The following EXPH5 variants were observed in gnomAD, a reference collection of about 807,000 sequenced individuals.
The protein encoded by EXPH5 is exophilin 5, also known as exophilin-5.
In EXPH5, 42 loss-of-function variants were observed where a neutral mutation model predicts 41.1. That is an observed-to-expected ratio of 1.02 (90% CI 0.80 to 1.32). The LOEUF (loss-of-function observed/expected upper bound fraction) is 1.32. Among genes scored for constraint, EXPH5 ranks in the 40% most tolerant of loss-of-function variants. EXPH5 has a pLI of 0.00. For missense variants in EXPH5, 2,298 were observed against 2,314.5 expected (o/e 0.99, Z 0.15); for synonymous variants, 798 against 833.5 (o/e 0.96, Z 0.73).
At chr11:108,529,969 A>G (rs1332225821) in intron 3 of EXPH5, among the ~76,000 whole-genome samples, 1 of 152,208 alleles carries the variant, frequency 6.6e-6, no homozygotes, top group East Asian at 1.9e-4. Flanking sequence ...TCTCTAGATC[A>G]GATCAATTAA....
intron 1 of EXPH5, among the ~76,000 whole-genome samples, chr11:108,557,912 C>T (rs1035013140): frequency 3.2e-4 from 48 of 152,084 alleles, no homozygotes; most frequent in African/African-American, 1.1e-3. Context: ...GGGGGTTGAA[C>T]TAGAGGCTAT....
chr11:108,581,730 C>T (rs2094098885), intron 1 of EXPH5, among the ~76,000 whole-genome samples: 1 of 151,840 alleles, frequency 6.6e-6, no homozygotes, highest in Non-Finnish European at 1.5e-5. Context: ...TTGAAAACAT[C>T]AATAAATTTG....
At chr11:108,572,046 T>A (rs2094062139) in intron 1 of EXPH5, among the ~76,000 whole-genome samples, 1 of 99,888 alleles carries the variant, frequency 1.0e-5, no homozygotes, top group African/African-American at 3.1e-5. Context: ...CGAGACTCTG[T>A]CTCCAAAAAA....
At chr11:108,557,591 G>A (rs1212625991) in intron 1 of EXPH5, among the ~76,000 whole-genome samples, 2 of 151,654 alleles carry the variant, frequency 1.3e-5, no homozygotes, top group South Asian at 2.1e-4. Context: ...CAAGTGATTC[G>A]TTCTCCTCAG....
Position 108,511,404 on chromosome 11 carries a change from G to GA in EXPH5, c.4102dup (p.Ser1368PhefsTer3), listed in dbSNP as rs1273776771. Reference sequence around the variant, plus strand: ...TAGAGGTGTTTTAGCTAAATTATCTGAAAAAATCTCTCTAGCTTTAGATTC... The same window carrying GA: ...TAGAGGTGTTTTAGCTAAATTATCTGAAAAAAATCTCTCTAGCTTTAGATTC... On this transcript the variant is annotated frameshift_variant, in exon 6 of 6. Transcript: ENST00000265843. LOFTEE classifies it low-confidence loss of function (END_TRUNC). 1.4e-5 allele frequency: 22 copies of GA among 1,588,266 alleles called. No homozygotes were observed. The highest frequency in any genetic ancestry group is 2.2e-5 in the East Asian group (1 of 44,730).
intron 1 of EXPH5, among the ~76,000 whole-genome samples, chr11:108,569,995 A>G (rs755630900): frequency 1.2e-4 from 18 of 152,182 alleles, no homozygotes; most frequent in African/African-American, 3.4e-4. Context: ...GCTACTCCCA[A>G]TGCTTAATGT....
At chr11:108,532,360 ATATATATTTTTTT>A (rs1384799768) in intron 3 of EXPH5, among the ~76,000 whole-genome samples, 1 of 20,870 alleles carries the variant, frequency 4.8e-5, no homozygotes, top group Non-Finnish European at 7.8e-5. Flanking sequence ...ATATATATAT[ATATATATTTTTTT>A]TTTTTTTTTT....
At position 108,511,798 on chromosome 11, in the gene EXPH5, CA is replaced by C; in HGVS notation, c.3708del (p.Val1237PhefsTer8). ...LHKVKTTSTF[S>X]VSGDEDNVKC... ...TTTACATTATCTTCATCACCAGAAA[CA>C]GAAAACGTACTAGTCGTCTTAACTT... On this transcript the variant is annotated frameshift_variant, in exon 6 of 6. Coordinates refer to ENST00000265843, the MANE Select transcript of EXPH5 (RefSeq NM_015065.3). LOFTEE classifies it low-confidence loss of function (END_TRUNC). The C allele has an allele frequency of 1.2e-6, 2 of 1,609,618 alleles. No homozygotes were observed. The highest frequency in any genetic ancestry group is 1.7e-6 in the Non-Finnish European group (2 of 1,178,970).
At chr11:108,585,952 A>G (rs760817682) in intron 1 of EXPH5, among the ~76,000 whole-genome samples, 9 of 152,162 alleles carry the variant, frequency 5.9e-5, no homozygotes, top group Non-Finnish European at 1.2e-4. Flanking sequence ...TCATTTATTT[A>G]TTTTGAGATG....
chr11:108,522,212 G>T (rs2093769606), intron 4 of EXPH5, among the ~76,000 whole-genome samples: 1 of 151,298 alleles, frequency 6.6e-6, no homozygotes. Flanking sequence ...TTTAAAAAAG[G>T]AACTGTTAGT....
Position 108,518,310 on chromosome 11 carries a change from G to A in EXPH5, c.556C>T (p.Pro186Ser). The A allele has an allele frequency of 6.2e-7, 1 of 1,613,854 alleles. No individual in the cohort carries two copies. The highest frequency in any genetic ancestry group is 8.5e-7 in the Non-Finnish European group (1 of 1,179,824). The stretch of plus-strand genomic sequence containing the variant: ...CCACTCTCCTCCCTCATGACTGCTG[G>A]CTTTGGGACAAATGTACTGTCAACT... ...HLVDSTFVPKPAVMREESGMP... is the reference protein window; with the variant it reads ...HLVDSTFVPKSAVMREESGMP... Residue 186 changes from proline to serine, a missense_variant, in exon 5 of 6, where the codon CCA (proline) becomes TCA (serine). Physicochemically the swap from Pro to Ser is moderately conservative, Grantham distance 74. Transcript: ENST00000265843.
At chr11:108,572,128 G>T (rs1252243731) in intron 1 of EXPH5, among the ~76,000 whole-genome samples, 3 of 152,062 alleles carry the variant, frequency 2.0e-5, no homozygotes, top group African/African-American at 7.2e-5. Flanking sequence ...AAAGAAGCCA[G>T]TTCACAAGGC....
intron 1 of EXPH5, among the ~76,000 whole-genome samples, chr11:108,573,462 T>A (rs775081494): frequency 6.6e-5 from 10 of 152,238 alleles, no homozygotes; most frequent in Non-Finnish European, 8.8e-5. Context: ...TGTATAGGTA[T>A]AACAACAATC....
chr11:108,533,002 G>A (rs1731158101), intron 3 of EXPH5, among the ~76,000 whole-genome samples: 1 of 152,174 alleles, frequency 6.6e-6, no homozygotes, highest in Non-Finnish European at 1.5e-5. Context: ...TTGTCCCGCA[G>A]TGCTGCACAT....
chr11:108,516,051 G>C (rs1425090743), intron 5 of EXPH5, among the ~76,000 whole-genome samples: 2 of 118,304 alleles, frequency 1.7e-5, no homozygotes, highest in Admixed American at 1.2e-4. Flanking sequence ...CAGCCTGGGC[G>C]AAAGAGCGAG....
chr11:108,545,149 C>T (rs2093931897), intron 1 of EXPH5, among the ~76,000 whole-genome samples: 1 of 152,124 alleles, frequency 6.6e-6, no homozygotes, highest in Admixed American at 6.6e-5. Flanking sequence ...CATGGTGGCT[C>T]ACACCAGTAA....
At chr11:108,602,549 CT>C in the EXPH5 span, among the ~76,000 whole-genome samples, 490 of 141,206 alleles carry the variant, frequency 3.5e-3, 2 homozygotes, top group African/African-American at 7.3e-3. Flanking sequence ...CTAAAACTGC[CT>C]TTTTTTTTTT....
intron 1 of EXPH5, among the ~76,000 whole-genome samples, chr11:108,576,605 A>G (rs887838942): frequency 6.6e-6 from 1 of 152,178 alleles, no homozygotes; most frequent in South Asian, 2.1e-4. Flanking sequence ...TCTAATTTTT[A>G]TGGATATATA....
rs115886533 is a variant in EXPH5 at position 108,514,791 on chromosome 11, C to G, written c.716G>C (p.Arg239Thr). 2.6e-4 allele frequency: 422 copies of G among 1,606,114 alleles called. No homozygotes were observed. The African/African-American group carries it at 5.2e-3, about 20-fold the overall frequency. Residue 239 changes from arginine to threonine, a missense_variant, in exon 6 of 6, where the codon AGA (arginine) becomes ACA (threonine). Physicochemically the swap from Arg to Thr is moderately conservative, Grantham distance 71. Transcript: ENST00000265843. ...GGAATAAAAGTGACCGAACTGTGTT[C>G]TTGATCCATAGTTGAGGGGTGTTCT... ...NTRTPLNYGS[R>T]TQFGHFYSSG...
Sources: allele counts gnomAD v4.1 joint callset (sites outside exome capture counted in the v4.1 genomes callset), GRCh38; gene constraint gnomAD v4.1.1; transcripts MANE v1.5; gene names NCBI Gene and HGNC (gene_info 2026-07-23, HGNC 2026-07-21).